The following ZNF814 variants were observed in gnomAD, a reference collection of about 807,000 sequenced individuals.
ZNF814 encodes zinc finger protein 814.
ZNF814 carries 5 observed loss-of-function variants against 7.5 expected under a neutral mutation model. The ratio of observed to expected loss-of-function variants is 0.67; its 90% CI spans 0.35 to 1.40. The LOEUF is 1.40. ZNF814 is among the 40% of genes most tolerant of loss of function. The pLI is 0.04. For missense variants in ZNF814, 962 were observed against 1,018.0 expected, an observed-to-expected ratio of 0.94 and a Z score of 0.75; for synonymous variants, 315 against 340.7, an observed-to-expected ratio of 0.92 and a Z score of 0.83.
At chr19:57,892,834 A>G (rs1478771167), upstream of ZNF814, among the ~76,000 whole-genome samples, 1 of 151,996 alleles carries the variant, frequency 6.6e-6, no homozygotes, top group African/African-American at 2.4e-5. Flanking sequence ...TCCCTTTCTT[A>G]TCTTTTCTGT....
At chr19:57,892,362 A>C (rs1180770195), upstream of ZNF814, among the ~76,000 whole-genome samples, 1 of 152,222 alleles carries the variant, frequency 6.6e-6, no homozygotes, top group Non-Finnish European at 1.5e-5. Flanking sequence ...TTACAGGCCC[A>C]ACTTGGTGGA....
rs1182257159 is a variant in ZNF814, at chr19:57,872,490, TTTTA to T, written c.*328_*331del. The T allele has an allele frequency of 1.2e-5, 6 of 487,920 alleles. No homozygotes were observed. Among genetic ancestry groups the T allele is most frequent in the African/African-American group, 1.9e-5 (1 of 51,610 alleles). 30.2% of individuals were successfully genotyped at this position (487,920 alleles called of 1,614,324 possible). A position where few individuals can be genotyped will look rare whatever the true frequency, so the allele number is the denominator to read the frequency against. Reference sequence around the variant, plus strand: ...GTGGCTACAAAATTGCCCAAATGTATTTTATTTGTCTAGTGTGAACTCTCTGATA... The same window carrying T: ...GTGGCTACAAAATTGCCCAAATGTATTTTGTCTAGTGTGAACTCTCTGATA... On this transcript the variant is annotated 3_prime_UTR_variant, in exon 3 of 3. Coordinates refer to ENST00000435989, the MANE Select transcript of ZNF814 (RefSeq NM_001144989.2).
chr19:57,893,693 C>T (rs536394354), upstream of ZNF814, among the ~76,000 whole-genome samples: 1 of 151,328 alleles, frequency 6.6e-6, no homozygotes, highest in South Asian at 2.1e-4. Context: ...CCGAGGTGGG[C>T]AGATCACTTG....
At chr19:57,875,707 G>A (rs2122432957) in intron 2 of ZNF814, among the ~76,000 whole-genome samples, 1 of 152,256 alleles carries the variant, frequency 6.6e-6, no homozygotes, top group Non-Finnish European at 1.5e-5. Flanking sequence ...CCAGAGATAT[G>A]AAGATTAGAT....
intron 1 of ZNF814, among the ~76,000 whole-genome samples, chr19:57,883,447 G>C (rs1403980291): frequency 6.6e-6 from 1 of 151,644 alleles, no homozygotes; most frequent in African/African-American, 2.4e-5. Flanking sequence ...TGGATCATGA[G>C]GTCAAGAGAT....
At chr19:57,900,838 C>CTTTTTTTTTTTT in the ZNF814 span, among the ~76,000 whole-genome samples, 4 of 56,426 alleles carry the variant, frequency 7.1e-5, no homozygotes, top group Admixed American at 2.8e-4. Flanking sequence ...GCCATGGCTG[C>CTTTTTTTTTTTT]ATTTTTTTTT....
In ZNF814 at chr19:57,887,503, C is replaced by T. The variant is rs564899378; in HGVS notation, c.36+1264G>A. ...TCTTGATGCTAAGCATTATTTTGTT[C>T]CTTGTGTTGTAATGCCCAACCTTGT... On this transcript the variant is annotated intron_variant, in intron 1 of 2. Transcript: ENST00000435989. Among the ~76,000 whole-genome samples the T allele has an allele frequency of 2.0e-5, 3 of 152,280 alleles. No homozygotes were observed. The East Asian group carries it at 5.8e-4, about 29-fold the overall frequency.
the ZNF814 span, among the ~76,000 whole-genome samples, chr19:57,895,565 C>T: frequency 4.6e-5 from 7 of 151,958 alleles, no homozygotes; most frequent in African/African-American, 7.2e-5. Flanking sequence ...TGTGAGTCAC[C>T]GCACCTGGCC....
chr19:57,872,776 A>G lies in ZNF814; in HGVS notation c.*46T>C. The G allele has an allele frequency of 6.2e-7, 1 of 1,606,996 alleles. No individual in the cohort carries two copies. Among genetic ancestry groups the G allele is most frequent in the Middle Eastern group, 1.7e-4 (1 of 6,008 alleles). On this transcript the variant is annotated 3_prime_UTR_variant, in exon 3 of 3. Coordinates refer to ENST00000435989, the MANE Select transcript of ZNF814 (RefSeq NM_001144989.2). ...CTCCAGTGTGAACTCTCTGGTGTGC[A>G]ATGAGGTGGTCCTTCTTGCTAAAAA...
At chr19:57,878,042 T>C (rs1010820817) in intron 1 of ZNF814, among the ~76,000 whole-genome samples, 1 of 151,476 alleles carries the variant, frequency 6.6e-6, no homozygotes, top group African/African-American at 2.4e-5. Context: ...GTCGGGCGCC[T>C]GTGATCCCAG....
At chr19:57,888,348 T>G (rs1195816498) in intron 1 of ZNF814, among the ~76,000 whole-genome samples, 1 of 152,068 alleles carries the variant, frequency 6.6e-6, no homozygotes, top group African/African-American at 2.4e-5. Context: ...CACCTGACAC[T>G]GTGCAAAGAC....
intron 1 of ZNF814, among the ~76,000 whole-genome samples, chr19:57,883,425 G>A (rs950197297): frequency 3.3e-5 from 5 of 151,520 alleles, no homozygotes; most frequent in East Asian, 2.0e-4. Context: ...CACTTTGGGA[G>A]GCCAAGGCGG....
intron 2 of ZNF814, among the ~76,000 whole-genome samples, 169 bp from the exon 3 acceptor site, chr19:57,875,395 C>A (rs891220167): frequency 6.6e-6 from 1 of 152,142 alleles, no homozygotes; most frequent in Non-Finnish European, 1.5e-5. Context: ...TGGACTATAA[C>A]GGTCACAGAA....
intron 1 of ZNF814, 59 bp downstream of exon 1, chr19:57,888,704 GCTAC>G: frequency 6.5e-7 from 1 of 1,543,052 alleles, no homozygotes; most frequent in Non-Finnish European, 8.8e-7. Context: ...AACAGGCGCT[GCTAC>G]CTCGCTGCTT....
rs57591690 is a variant in ZNF814 at position 57,869,942 on chromosome 19, C to CAAAAAAAAAAAAAAAAAAAAAAAAAAA, written c.*2879_*2880insTTTTTTTTTTTTTTTTTTTTTTTTTTT. The CAAAAAAAAAAAAAAAAAAAAAAAAAAA allele has an allele frequency of 7.5e-6, 1 of 133,384 alleles. No individual in the cohort carries two copies. The highest frequency in any genetic ancestry group is 7.5e-5 in the Admixed American group (1 of 13,346). The allele number at this position is 133,384 out of a possible 1,614,324, so 8.3% of individuals were successfully genotyped here. A position where few individuals can be genotyped will look rare whatever the true frequency, so the allele number is the denominator to read the frequency against. On this transcript the variant is annotated 3_prime_UTR_variant, in exon 3 of 3. Transcript: ENST00000435989. ...CCTGGCTGACAGTGAGACTCTGTCTCAAAAAAAAAAAAAAAAGGTTGGGCA... is the reference window on the plus strand; with the variant it reads ...CCTGGCTGACAGTGAGACTCTGTCTCAAAAAAAAAAAAAAAAAAAAAAAAAAAAAAAAAAAAAAAAAAAGGTTGGGCA...
chr19:57,904,649 G>T, the ZNF814 span, among the ~76,000 whole-genome samples: 1 of 152,206 alleles, frequency 6.6e-6, no homozygotes. Context: ...GGACTTTCAC[G>T]GATTTTGTAA....
At chr19:57,903,848 G>T in the ZNF814 span, among the ~76,000 whole-genome samples, 3 of 152,110 alleles carry the variant, frequency 2.0e-5, no homozygotes, top group Non-Finnish European at 4.4e-5. Flanking sequence ...GGACAAAAAA[G>T]GGAGACATGT....
chr19:57,878,294 C>T (rs2071624126), intron 1 of ZNF814, among the ~76,000 whole-genome samples: 1 of 151,510 alleles, frequency 6.6e-6, no homozygotes, highest in Admixed American at 6.6e-5. Context: ...GGCATGCAAG[C>T]TTTGTAAGAT....
intron 1 of ZNF814, chr19:57,885,993 A>C (rs1335909379): frequency 6.6e-5 from 10 of 151,728 alleles, no homozygotes; most frequent in African/African-American, 2.4e-4. Context: ...AAAAAACAAA[A>C]AAACAAAATA....
Sources: allele counts gnomAD v4.1 joint callset (sites outside exome capture counted in the v4.1 genomes callset), GRCh38; gene constraint gnomAD v4.1.1; transcripts MANE v1.5; gene names NCBI Gene and HGNC (gene_info 2026-07-23, HGNC 2026-07-21).